The following MRPL48 variants were observed in gnomAD, a reference collection of about 807,000 sequenced individuals.
MRPL48 encodes the protein mitochondrial ribosomal protein L48.
A neutral mutation model predicts 32.9 loss-of-function variants in MRPL48; 16 were observed. That is an observed-to-expected ratio of 0.49 (90% CI 0.33 to 0.74). The LOEUF (loss-of-function observed/expected upper bound fraction) is 0.74, where lower values mean the gene tolerates loss of function less well. Ranked by LOEUF, MRPL48 falls within the 30% of genes least tolerant of loss-of-function variation. The pLI, the probability that MRPL48 is intolerant of heterozygous loss-of-function variation, is 0.02. For missense variants in MRPL48, 206 were observed against 245.3 expected (o/e 0.84, Z 1.07); for synonymous variants, 94 against 89.2 (o/e 1.05, Z -0.31).
intron 4 of MRPL48, among the ~76,000 whole-genome samples, chr11:73,826,368 C>T (rs59621450): frequency 0.02 from 3,066 of 152,120 alleles, 101 homozygotes; most frequent in African/African-American, 0.069. Flanking sequence ...TAGTAGTGTA[C>T]TTATTTCAGT....
At chr11:73,828,642 T>C (rs1485803912) in intron 4 of MRPL48, among the ~76,000 whole-genome samples, 1 of 152,110 alleles carries the variant, frequency 6.6e-6, no homozygotes, top group African/African-American at 2.4e-5. Flanking sequence ...TGACAAGTGC[T>C]AAAAGGAAGA....
At chr11:73,809,152 T>A (rs539234118) in intron 3 of MRPL48, among the ~76,000 whole-genome samples, 40 of 150,814 alleles carry the variant, frequency 2.7e-4, no homozygotes, top group Admixed American at 7.9e-4. Flanking sequence ...TAAAAAAATT[T>A]AAAAAAAAGA....
At chr11:73,831,391 C>G (rs1947990433) in intron 4 of MRPL48, among the ~76,000 whole-genome samples, 1 of 152,136 alleles carries the variant, frequency 6.6e-6, no homozygotes, top group African/African-American at 2.4e-5. Context: ...TCTCATACAC[C>G]CATGCTCTTT....
intron 3 of MRPL48, among the ~76,000 whole-genome samples, chr11:73,817,244 C>T (rs968221389): frequency 3.3e-5 from 5 of 152,062 alleles, no homozygotes; most frequent in African/African-American, 9.7e-5. Context: ...ATAATTTTTT[C>T]AACATTTTTC....
At chr11:73,831,325 A>G (rs1947989482) in intron 4 of MRPL48, among the ~76,000 whole-genome samples, 1 of 152,142 alleles carries the variant, frequency 6.6e-6, no homozygotes, top group Admixed American at 6.6e-5. Context: ...TACAGTATGT[A>G]CCTGACCTCC....
In MRPL48 at chr11:73,787,919, C is replaced by G; in HGVS notation, c.-53C>G. 6.2e-7 allele frequency: 1 copy of G among 1,601,442 alleles called. No individual in the cohort carries two copies. Among genetic ancestry groups the G allele is most frequent in the Non-Finnish European group, 8.5e-7 (1 of 1,172,710 alleles). The stretch of plus-strand genomic sequence containing the variant: ...GTTTTCAGACGCCCTGGGAACGCGG[C>G]TGCAGGGTCCGGTCTTCGGTTTGCA... On this transcript the variant is annotated 5_prime_UTR_variant, in exon 1 of 8. Coordinates refer to ENST00000310614, the MANE Select transcript of MRPL48 (RefSeq NM_016055.6).
intron 3 of MRPL48, among the ~76,000 whole-genome samples, chr11:73,819,502 G>T (rs1947735255): frequency 6.6e-6 from 1 of 152,080 alleles, no homozygotes. Context: ...CTATCACTAT[G>T]AATTAAACTC....
At chr11:73,824,545 A>T (rs971287120) in intron 3 of MRPL48, among the ~76,000 whole-genome samples, 1 of 151,884 alleles carries the variant, frequency 6.6e-6, no homozygotes, top group Non-Finnish European at 1.5e-5. Flanking sequence ...AGATCGCACC[A>T]CTGCACTCCA....
intron 6 of MRPL48, among the ~76,000 whole-genome samples, chr11:73,862,817 G>T (rs955601688): frequency 6.6e-6 from 1 of 152,148 alleles, no homozygotes; most frequent in African/African-American, 2.4e-5. Flanking sequence ...CTACTCGGAG[G>T]CTGAGGTGGG....
At chr11:73,824,030 A>T (rs1008541431) in intron 3 of MRPL48, among the ~76,000 whole-genome samples, 7 of 151,504 alleles carry the variant, frequency 4.6e-5, no homozygotes, top group Non-Finnish European at 1.0e-4. Flanking sequence ...TAATTTTTGT[A>T]TCTTTAGTAG....
Position 73,829,447 on chromosome 11 carries a change from C to T in MRPL48, c.201+3651C>T, listed in dbSNP as rs572161443. On this transcript the variant is annotated intron_variant, in intron 4 of 7. Coordinates refer to ENST00000310614, the MANE Select transcript of MRPL48 (RefSeq NM_016055.6). ...AGTGGTGTGATCCTGGCCCACTGCC[C>T]CTTGAATACCTAGGTTCAAGCGATC... Among the ~76,000 whole-genome samples, 6 of 150,670 alleles carry T rather than the reference C, an allele frequency of 4.0e-5. No homozygotes were observed. The South Asian group carries it at 1.3e-3, about 32-fold the overall frequency.
chr11:73,807,361 T>G (rs1423619982), intron 2 of MRPL48, among the ~76,000 whole-genome samples: 1 of 149,846 alleles, frequency 6.7e-6, no homozygotes, highest in Admixed American at 6.7e-5. Context: ...TATTGAGGGC[T>G]TTCTCCCTTT....
At chr11:73,834,589 A>G (rs1312150795) in intron 4 of MRPL48, among the ~76,000 whole-genome samples, 2 of 146,954 alleles carry the variant, frequency 1.4e-5, no homozygotes, top group Non-Finnish European at 3.0e-5. Context: ...GCTGGAGTGC[A>G]GCGGCGCGAT....
intron 5 of MRPL48, among the ~76,000 whole-genome samples, chr11:73,852,393 CAAAAAAAAAAA>C (rs10554131): frequency 0.097 from 8,140 of 83,644 alleles, 310 homozygotes; most frequent in Middle Eastern, 0.19. Context: ...AACTCTATAG[CAAAAAAAAAAA>C]AAAAAAAAAA....
intron 4 of MRPL48, among the ~76,000 whole-genome samples, chr11:73,826,636 A>T (rs1293588024): frequency 6.6e-6 from 1 of 151,974 alleles, no homozygotes; most frequent in Non-Finnish European, 1.5e-5. Flanking sequence ...CCGCTGCCAC[A>T]CCTGGCTAAT....
intron 3 of MRPL48, among the ~76,000 whole-genome samples, chr11:73,811,587 TG>T (rs1947568654): frequency 6.6e-6 from 1 of 152,232 alleles, no homozygotes; most frequent in South Asian, 2.1e-4. Flanking sequence ...TTGTCTTTTT[TG>T]TATTAAAACA....
At chr11:73,797,112 C>T (rs765124392) in intron 1 of MRPL48, among the ~76,000 whole-genome samples, 2 of 152,114 alleles carry the variant, frequency 1.3e-5, no homozygotes, top group Non-Finnish European at 2.9e-5. Flanking sequence ...GAACAGACAT[C>T]GGGACAACCG....
At chr11:73,840,380 G>A (rs555140811) in intron 4 of MRPL48, among the ~76,000 whole-genome samples, 1 of 152,158 alleles carries the variant, frequency 6.6e-6, no homozygotes, top group Non-Finnish European at 1.5e-5. Context: ...TGTAATCCTA[G>A]CTGCTCAGGA....
intron 5 of MRPL48, among the ~76,000 whole-genome samples, chr11:73,851,918 TACAC>T (rs35410725): frequency 0.4 from 59,354 of 149,160 alleles, 11,891 homozygotes; most frequent in African/African-American, 0.5. Flanking sequence ...TCAGGGAACG[TACAC>T]ACACACACAC....
Sources: allele counts gnomAD v4.1 joint callset (sites outside exome capture counted in the v4.1 genomes callset), GRCh38; gene constraint gnomAD v4.1.1; transcripts MANE v1.5; gene names NCBI Gene and HGNC (gene_info 2026-07-23, HGNC 2026-07-21).